The following NSD2 variants were observed in gnomAD, a reference collection of about 807,000 sequenced individuals.
The protein encoded by NSD2 is nuclear receptor binding SET domain protein 2.
A neutral mutation model predicts 139.0 loss-of-function variants in NSD2; 12 were observed. The observed-to-expected ratio is 0.09, with a 90% CI of 0.06 to 0.14. NSD2 has a LOEUF of 0.14. NSD2 is among the 10% of genes least tolerant of loss of function. The probability of loss-of-function intolerance (pLI) is 1.00; values close to 1 mark genes in which losing one functional copy is unlikely to be tolerated. For missense variants in NSD2, 1,155 were observed against 1,745.0 expected, an observed-to-expected ratio of 0.66 and a Z score of 6.02; for synonymous variants, 669 against 648.7, an observed-to-expected ratio of 1.03 and a Z score of -0.48.
Position 1,910,017 on chromosome 4 carries a change from C to T in NSD2, c.760+5639C>T, listed in dbSNP as rs144581181. 4.3e-3 allele frequency among the ~76,000 whole-genome samples: 661 copies of T among 152,066 alleles called. 2 individuals are homozygous for T. Among genetic ancestry groups the T allele is most frequent in the Non-Finnish European group, 6.9e-3 (469 of 67,982 alleles). ...TGAATCCGTGTATCTTAGTAATATA[C>T]TTAAATTTTGAAAACTGAGGTATAA... is the stretch of plus-strand genomic sequence containing the variant. On this transcript the variant is annotated intron_variant, in intron 3 of 21. Coordinates refer to ENST00000508803, the MANE Select transcript of NSD2 (RefSeq NM_001042424.3).
At chr4:1,899,383 C>T (rs1577387830) in intron 1 of NSD2, 1 of 152,238 alleles carries the variant, frequency 6.6e-6, no homozygotes, top group East Asian at 1.9e-4. Flanking sequence ...TCCATGACCG[C>T]AACCCATCAG....
At position 1,978,639 on chromosome 4, in the gene NSD2, G is replaced by A. The variant is rs746421544; in HGVS notation, c.3828G>A (p.Gly1276=). ...CTCACATCTTGTGTTCTGTTGCAGG[G>A]AAGTGGGAATGTCCTTGGCATCATT... The part of the protein sequence containing the change: ...SCLGLGKRPF[G]KWECPWHHCD... The change falls in exon 22 of 22, where the codon GGG becomes GGA. Residue 1276 remains glycine, a splice_region_variant and synonymous_variant. Coordinates refer to ENST00000508803, the MANE Select transcript of NSD2 (RefSeq NM_001042424.3). The A allele has an allele frequency of 1.9e-6, 3 of 1,603,210 alleles. No individual in the cohort carries two copies. The highest frequency in any genetic ancestry group is 1.1e-5 in the South Asian group (1 of 90,244).
chr4:1,913,708 GC>G (rs1013427563), intron 3 of NSD2, among the ~76,000 whole-genome samples: 5 of 152,134 alleles, frequency 3.3e-5, no homozygotes, highest in African/African-American at 9.6e-5. Context: ...TCCTTACCCT[GC>G]CCCCTTGCCT....
chr4:1,943,805 C>T, intron 9 of NSD2: 2 of 1,062,008 alleles, frequency 1.9e-6, no homozygotes, highest in Non-Finnish European at 2.3e-6. Flanking sequence ...AGCAGTCACC[C>T]AAAGTAAAGA....
chr4:1,898,086 T>G (rs1577383965), intron 1 of NSD2, among the ~76,000 whole-genome samples: 1 of 152,268 alleles, frequency 6.6e-6, no homozygotes, highest in South Asian at 2.1e-4. Context: ...GAGGCTCTGC[T>G]TCCTTTTTTT....
At chr4:1,921,444 C>T (rs1050205028) in intron 5 of NSD2, among the ~76,000 whole-genome samples, 7 of 148,610 alleles carry the variant, frequency 4.7e-5, no homozygotes, top group East Asian at 4.1e-4. Flanking sequence ...GGCGACAGAG[C>T]GAGACTCCGT....
At chr4:1,971,492 T>TG (rs1726474082) in intron 18 of NSD2, among the ~76,000 whole-genome samples, 2 of 152,124 alleles carry the variant, frequency 1.3e-5, no homozygotes, top group African/African-American at 4.8e-5. Context: ...AAGGACAGAA[T>TG]ACACTGGAGG....
At position 1,904,149 on chromosome 4, in the gene NSD2, T is replaced by G. The variant is rs986303258; in HGVS notation, c.598-67T>G. 4.6e-6 allele frequency: 7 copies of G among 1,534,922 alleles called. No homozygotes were observed. The African/African-American group carries it at 9.6e-5, about 21-fold the overall frequency. On this transcript the variant is annotated intron_variant, in intron 2 of 21. Coordinates refer to ENST00000508803, the MANE Select transcript of NSD2 (RefSeq NM_001042424.3). ...TTGGACATTGTAGCCTGGTGAATCC[T>G]TGGTCTTCTGGATACACAGGTAGTG... is the stretch of plus-strand genomic sequence containing the variant.
At chr4:1,916,122 A>G (rs945126794) in intron 3 of NSD2, among the ~76,000 whole-genome samples, 9 of 152,164 alleles carry the variant, frequency 5.9e-5, no homozygotes, top group African/African-American at 2.2e-4. Context: ...GAGGCCACTG[A>G]TGCTCCTGTC....
At chr4:1,927,631 A>G (rs1477821792) in intron 5 of NSD2, among the ~76,000 whole-genome samples, 1 of 148,564 alleles carries the variant, frequency 6.7e-6, no homozygotes, top group Non-Finnish European at 1.5e-5. Context: ...AGGTGGGAGA[A>G]TCGCTTGAAC....
intron 7 of NSD2, 41 bp downstream of exon 7, chr4:1,935,303 G>A: frequency 6.8e-7 from 1 of 1,478,518 alleles, no homozygotes; most frequent in Non-Finnish European, 9.4e-7. Flanking sequence ...CAGAGTGTAT[G>A]CTCTGTGACT....
At chr4:1,934,878 A>AATATATATATATATATATAT (rs1161633448) in intron 6 of NSD2, among the ~76,000 whole-genome samples, 26 of 22,050 alleles carry the variant, frequency 1.2e-3, no homozygotes, top group South Asian at 3.8e-3. Flanking sequence ...AAAAAAAAAA[A>AATATATATATATATATATAT]ATATATATAT....
chr4:1,958,162 G>A lies in NSD2; in HGVS notation c.2985+126G>A. The A allele has an allele frequency of 1.2e-5, 11 of 899,560 alleles. No homozygotes were observed. In the South Asian group the frequency reaches 1.6e-4, roughly 13 times the overall value. The allele number at this position is 899,560 out of a possible 1,614,324, so 55.7% of individuals were successfully genotyped here. ...TCACCAGCCAGGATCTGTGGTGCCT[G>A]GCATGGATGGCCACACAAGAGACCA... On this transcript the variant is annotated intron_variant, in intron 16 of 21. Transcript: ENST00000508803. This position sits in a 1 kb window ranked among gnomAD's most constrained non-coding sequence, Gnocchi z 4.6.
intron 1 of NSD2, among the ~76,000 whole-genome samples, chr4:1,878,930 G>C (rs1714502517): frequency 6.6e-6 from 1 of 152,120 alleles, no homozygotes; most frequent in South Asian, 2.1e-4. Flanking sequence ...GAGGGTCCTT[G>C]GTCCAATCCT....
Position 1,901,217 on chromosome 4 carries a change from T to G in NSD2, c.563T>G (p.Leu188Arg), listed in dbSNP as rs1717124881. The G allele has an allele frequency of 6.3e-7, 1 of 1,593,752 alleles. No homozygotes were observed. The highest frequency in any genetic ancestry group is 1.4e-5 in the African/African-American group (1 of 73,816). Residue 188 changes from leucine to arginine, a missense_variant, in exon 2 of 22, where the codon CTT becomes CGT. Transcript: ENST00000508803. ...GAGCAGGGCCTTGTCGAAGCAGCTC[T>G]TGTGTCTAAGATCTCAAGTCCTTCA... The part of the protein sequence containing the change: ...LLEQGLVEAA[L>R]VSKISSPSDK...
intron 6 of NSD2, among the ~76,000 whole-genome samples, chr4:1,934,243 G>A (rs1722033444): frequency 6.6e-6 from 1 of 151,686 alleles, no homozygotes. Flanking sequence ...GTGCCACCAT[G>A]CCTGGCTAAT....
At chr4:1,961,666 G>A (rs576906589) in intron 18 of NSD2, among the ~76,000 whole-genome samples, 1 of 152,310 alleles carries the variant, frequency 6.6e-6, no homozygotes, top group South Asian at 2.1e-4. Context: ...GAAGATTTGT[G>A]TAAAAGTGGG....
chr4:1,962,645 G>A (rs1403031537), intron 18 of NSD2, among the ~76,000 whole-genome samples: 1 of 152,062 alleles, frequency 6.6e-6, no homozygotes, highest in Non-Finnish European at 1.5e-5. Context: ...TTTTTTCTTA[G>A]GTTTGAAATT....
In NSD2 at chr4:1,942,733, G is replaced by A; in HGVS notation, c.1881+2955G>A. On this transcript the variant is annotated intron_variant, in intron 9 of 21. Coordinates refer to ENST00000508803, the MANE Select transcript of NSD2 (RefSeq NM_001042424.3). The surrounding 1 kb of genome is among the most constrained non-coding windows in gnomAD (Gnocchi z 4.0). ...GCACGGAAGGGGTGGCCCTGTTAGA[G>A]TTGCTTCTCCTCTAGTTTGTAACTT... 2.7e-6 allele frequency: 3 copies of A among 1,093,902 alleles called. No homozygotes were observed. The South Asian group carries it at 1.2e-4, about 43-fold the overall frequency. The allele number at this position is 1,093,902 out of a possible 1,614,324, so 67.8% of individuals were successfully genotyped here.
Sources: gnomAD v4.1 joint callset for allele counts (sites outside exome capture counted in the v4.1 genomes callset) on GRCh38, gnomAD v4.1.1 for gene constraint, Gnocchi (gnomAD v3.1) non-coding constraint, MANE v1.5 for transcripts, NCBI Gene and HGNC (gene_info 2026-07-23, HGNC 2026-07-21) for gene names.